USP25: variants seen among roughly 807,000 people sequenced by gnomAD.
USP25 encodes the protein ubiquitin carboxyl-terminal hydrolase 25.
In USP25, 85 loss-of-function variants were observed where a neutral mutation model predicts 158.5. The observed-to-expected ratio is 0.54, with a 90% confidence interval of 0.45 to 0.64. The LOEUF is 0.64. USP25 is among the 30% of genes least tolerant of loss of function. The pLI, the probability that USP25 is intolerant of heterozygous loss-of-function variation, is 0.00. For missense variants in USP25, 1,242 were observed against 1,327.3 expected, an observed-to-expected ratio of 0.94 and a Z score of 1.00; for synonymous variants, 464 against 460.4, an observed-to-expected ratio of 1.01 and a Z score of -0.10.
intron 3 of USP25, among the ~76,000 whole-genome samples, chr21:15,767,665 A>C (rs1253456534): frequency 1.3e-5 from 2 of 152,036 alleles, no homozygotes; most frequent in Non-Finnish European, 2.9e-5. Flanking sequence ...CGAGGGGAAA[A>C]AGAAACTAGA....
intron 4 of USP25, among the ~76,000 whole-genome samples, chr21:15,779,039 A>G (rs1024119267): frequency 3.3e-5 from 5 of 152,096 alleles, no homozygotes; most frequent in Admixed American, 1.3e-4. Context: ...TCAAAATGCT[A>G]TGTTTAGCAA....
intron 1 of USP25, among the ~76,000 whole-genome samples, chr21:15,761,688 G>A (rs2033734758): frequency 1.3e-5 from 2 of 152,280 alleles, no homozygotes; most frequent in Admixed American, 6.5e-5. Context: ...CATCCTGTAG[G>A]AGGAATCAGG....
intron 15 of USP25, 117 bp downstream of exon 15, chr21:15,830,718 A>T (rs2037757716): frequency 1.3e-6 from 1 of 796,908 alleles, no homozygotes; most frequent in African/African-American, 1.8e-5. Context: ...AATTTTGGCA[A>T]ATCTTATTGT....
At chr21:15,772,256 G>A (rs1452584435) in intron 3 of USP25, among the ~76,000 whole-genome samples, 3 of 152,176 alleles carry the variant, frequency 2.0e-5, no homozygotes, top group Admixed American at 6.5e-5. Flanking sequence ...TTTACTCATG[G>A]TATTCCTTTG....
chr21:15,761,961 C>T (rs756920029), intron 1 of USP25, among the ~76,000 whole-genome samples: 3 of 152,046 alleles, frequency 2.0e-5, no homozygotes, highest in East Asian at 1.9e-4. Flanking sequence ...TGTACGGGTT[C>T]GCCACTGTTA....
chr21:15,805,311 A>G (rs2036326630), intron 7 of USP25, 53 bp downstream of exon 7: 2 of 1,451,104 alleles, frequency 1.4e-6, no homozygotes, highest in African/African-American at 1.5e-5. Flanking sequence ...AATCTGAACA[A>G]TATTAAGCAC....
At chr21:15,812,728 T>G (rs1193163589) in intron 9 of USP25, among the ~76,000 whole-genome samples, 1 of 152,216 alleles carries the variant, frequency 6.6e-6, no homozygotes, top group East Asian at 1.9e-4. Flanking sequence ...CTTTAGTGAT[T>G]GTGTTATATA....
rs1325910522 is a variant in USP25, at chr21:15,830,621, A to G, written c.1764+20A>G. 6.5e-7 allele frequency: 1 copy of G among 1,529,276 alleles called. No individual in the cohort carries two copies. The highest frequency in any genetic ancestry group is 8.9e-7 in the Non-Finnish European group (1 of 1,123,898). The allele number at this position is 1,529,276 out of a possible 1,614,324, so 94.7% of individuals were successfully genotyped here. ...ATACAAGTAAGTGAAATTTTGAGCT[A>G]GTAATCATTGTCAAAATTATTTACA... On this transcript the variant is annotated intron_variant, in intron 15 of 25. Coordinates refer to ENST00000400183, the MANE Select transcript of USP25 (RefSeq NM_001283041.3).
intron 10 of USP25, 107 bp from the exon 11 acceptor site, chr21:15,823,932 G>C: frequency 8.9e-7 from 1 of 1,129,570 alleles, no homozygotes. Flanking sequence ...GGTCCGCATT[G>C]TGGTGATACA....
intron 2 of USP25, 90 bp downstream of exon 2, chr21:15,763,058 A>G (rs938439087): frequency 1.6e-5 from 19 of 1,182,422 alleles, no homozygotes; most frequent in Non-Finnish European, 2.1e-5. Context: ...TTTTTGGGGT[A>G]TACCATGTGG....
At chr21:15,857,251 C>G (rs1447457121) in intron 20 of USP25, among the ~76,000 whole-genome samples, 1 of 152,000 alleles carries the variant, frequency 6.6e-6, no homozygotes, top group East Asian at 2.0e-4. Context: ...GTTACCTATT[C>G]TTATTAAATT....
At chr21:15,818,250 A>G (rs759705277) in intron 9 of USP25, among the ~76,000 whole-genome samples, 5 of 152,182 alleles carry the variant, frequency 3.3e-5, no homozygotes, top group Non-Finnish European at 5.9e-5. Context: ...ATTCTGTCTC[A>G]TCACAACTTT....
chr21:15,735,754 A>G (rs1454433302), intron 1 of USP25, among the ~76,000 whole-genome samples: 2 of 152,180 alleles, frequency 1.3e-5, no homozygotes, highest in African/African-American at 4.8e-5. Context: ...CAACTGAGGT[A>G]CTTGTTACTT....
At chr21:15,874,249 C>T (rs1046790899) in intron 23 of USP25, among the ~76,000 whole-genome samples, 154 bp from the exon 24 acceptor site, 3 of 152,176 alleles carry the variant, frequency 2.0e-5, no homozygotes, top group Middle Eastern at 3.5e-3. Context: ...GCTAAAAAGG[C>T]GCTCTCAAGC....
intron 4 of USP25, among the ~76,000 whole-genome samples, chr21:15,779,429 G>T (rs935545451): frequency 6.6e-6 from 1 of 151,814 alleles, no homozygotes; most frequent in Admixed American, 6.6e-5. Context: ...TAAAAAGAAT[G>T]TATACTTGAT....
intron 1 of USP25, among the ~76,000 whole-genome samples, chr21:15,758,809 G>C (rs2033555939): frequency 7.1e-6 from 1 of 141,446 alleles, no homozygotes; most frequent in African/African-American, 3.0e-5. Flanking sequence ...AAAACCATCA[G>C]ATCTCATAAC....
In USP25 at chr21:15,738,924, C is replaced by T. The variant is rs540463038; in HGVS notation, c.45+8486C>T. ...ATCTAATTACCGGTGCATGCAGCCC[C>T]CAGTCACATACCCCCTGCTTGCTCA... On this transcript the variant is annotated intron_variant, in intron 1 of 25. Transcript: ENST00000400183. Among the ~76,000 whole-genome samples the T allele has an allele frequency of 9.2e-5, 14 of 152,210 alleles. No individual in the cohort carries two copies. In the East Asian group the frequency reaches 1.2e-3, roughly 13 times the overall value.
intron 2 of USP25, among the ~76,000 whole-genome samples, chr21:15,763,922 T>A (rs912675020): frequency 6.6e-5 from 10 of 152,122 alleles, no homozygotes; most frequent in African/African-American, 2.4e-4. Flanking sequence ...ACAGAGAGGT[T>A]AAAGTAACTT....
At chr21:15,829,861 G>T (rs947669451) in intron 14 of USP25, among the ~76,000 whole-genome samples, 2 of 152,032 alleles carry the variant, frequency 1.3e-5, no homozygotes, top group African/African-American at 4.8e-5. Flanking sequence ...CTTAAGACAG[G>T]TCTTTCCCCA....
Sources: gnomAD v4.1 joint callset for allele counts (sites outside exome capture counted in the v4.1 genomes callset) on GRCh38, gnomAD v4.1.1 for gene constraint, MANE v1.5 for transcripts, NCBI Gene and HGNC (gene_info 2026-07-23, HGNC 2026-07-21) for gene names.